LPXN: variants seen among roughly 807,000 people sequenced by gnomAD.
LPXN encodes the protein leupaxin.
A neutral mutation model predicts 45.6 loss-of-function variants in LPXN; 28 were observed. That is an observed-to-expected ratio of 0.61 (90% CI 0.45 to 0.84). The LOEUF (loss-of-function observed/expected upper bound fraction) is 0.84. LPXN is among the 40% of genes least tolerant of loss of function. The pLI is 0.00. For missense variants in LPXN, 459 were observed against 475.0 expected, an observed-to-expected ratio of 0.97 and a Z score of 0.31; for synonymous variants, 166 against 169.9, an observed-to-expected ratio of 0.98 and a Z score of 0.18.
chr11:58,528,225 G>C (rs1047954658), intron 7 of LPXN, 34 bp from the exon 8 acceptor site: 3 of 1,604,292 alleles, frequency 1.9e-6, no homozygotes, highest in Non-Finnish European at 2.6e-6. Flanking sequence ...CACTGTTGCA[G>C]GTTGAGCCCT....
intron 7 of LPXN, among the ~76,000 whole-genome samples, chr11:58,549,340 G>A (rs1470407129): frequency 6.6e-6 from 1 of 152,118 alleles, no homozygotes; most frequent in Non-Finnish European, 1.5e-5. Context: ...GTTGCAGTGG[G>A]CGGAGATCGC....
chr11:58,571,943 T>C (rs116991317), intron 1 of LPXN, among the ~76,000 whole-genome samples: 1,902 of 152,342 alleles, frequency 0.012, 17 homozygotes, highest in Middle Eastern at 0.024. Flanking sequence ...AGTTAGAAGT[T>C]CCAGTCTCCT....
intron 7 of LPXN, among the ~76,000 whole-genome samples, chr11:58,532,759 G>A (rs929762557): frequency 2.6e-5 from 4 of 152,208 alleles, no homozygotes; most frequent in African/African-American, 7.2e-5. Context: ...TGTGGGTGGG[G>A]CCAGATAAGG....
intron 4 of LPXN, among the ~76,000 whole-genome samples, chr11:58,553,163 T>C (rs1267992696): frequency 1.3e-5 from 2 of 151,746 alleles, no homozygotes; most frequent in Admixed American, 1.3e-4. Context: ...TAGCAAAACC[T>C]CGTCTCTACT....
At chr11:58,530,496 T>C (rs1329802989) in intron 7 of LPXN, among the ~76,000 whole-genome samples, 1 of 152,208 alleles carries the variant, frequency 6.6e-6, no homozygotes, top group Non-Finnish European at 1.5e-5. Flanking sequence ...ACTGCCTCTC[T>C]AGATTCCTCT....
At chr11:58,560,843 A>G (rs1352595075) in intron 3 of LPXN, among the ~76,000 whole-genome samples, 1 of 152,220 alleles carries the variant, frequency 6.6e-6, no homozygotes, top group Admixed American at 6.5e-5. Flanking sequence ...TAAAGGCTAT[A>G]TATTTTCAAA....
chr11:58,534,531 G>A (rs1004984969), intron 7 of LPXN, among the ~76,000 whole-genome samples: 2 of 152,216 alleles, frequency 1.3e-5, no homozygotes, highest in African/African-American at 2.4e-5. Context: ...GCAGTGTGTA[G>A]AGGGAAATTT....
At chr11:58,528,467 G>C (rs1853294485) in intron 7 of LPXN, among the ~76,000 whole-genome samples, 2 of 152,180 alleles carry the variant, frequency 1.3e-5, no homozygotes, top group African/African-American at 4.8e-5. Flanking sequence ...GGATAGTTCT[G>C]TCCCAGAGCC....
intron 7 of LPXN, among the ~76,000 whole-genome samples, chr11:58,541,669 A>G (rs1385377412): frequency 1.3e-5 from 2 of 150,368 alleles, no homozygotes; most frequent in Non-Finnish European, 3.0e-5. Flanking sequence ...ATACCATTTG[A>G]CCCAGCCATC....
rs542860033 is a variant in LPXN at position 58,561,784 on chromosome 11, T to C, written c.218+2371A>G. On this transcript the variant is annotated intron_variant, in intron 3 of 8. Transcript: ENST00000395074. The stretch of plus-strand genomic sequence containing the variant: ...GTTTTTAACTAGAGTCCTAGTGCAG[T>C]GTAGAAAGGGAAATAGATCATTGTT... 3.9e-5 allele frequency among the ~76,000 whole-genome samples: 6 copies of C among 152,352 alleles called. No homozygotes were observed. In the East Asian group the frequency reaches 1.2e-3, roughly 29 times the overall value.
intron 1 of LPXN, among the ~76,000 whole-genome samples, chr11:58,574,877 T>C (rs11229532): frequency 0.11 from 16,379 of 152,196 alleles, 1,128 homozygotes; most frequent in Admixed American, 0.16. Flanking sequence ...GTGCAAGATA[T>C]TTTTTGTTGT....
rs76285432 is a variant in LPXN at position 58,528,197 on chromosome 11, G to A, written c.743-6C>T. The A allele has an allele frequency of 7.4e-3, 11,950 of 1,612,922 alleles. 58 individuals are homozygous for A. Among genetic ancestry groups the A allele is most frequent in the Non-Finnish European group, 8.5e-3 (9,991 of 1,179,084 alleles). The stretch of plus-strand genomic sequence containing the variant: ...CTTGTCCTTCTCATGAAAGCCTGGA[G>A]AGATAAAATCAGGAATTCACTGTTG... On this transcript the variant is annotated splice_region_variant and splice_polypyrimidine_tract_variant and intron_variant, in intron 7 of 8. Transcript: ENST00000395074.
intron 7 of LPXN, among the ~76,000 whole-genome samples, chr11:58,530,451 A>G (rs1374167011): frequency 6.6e-6 from 1 of 152,200 alleles, no homozygotes; most frequent in African/African-American, 2.4e-5. Flanking sequence ...AACTGGGTGG[A>G]GCCAACCGCA....
At chr11:58,535,073 C>A (rs973424955) in intron 7 of LPXN, among the ~76,000 whole-genome samples, 4 of 152,254 alleles carry the variant, frequency 2.6e-5, no homozygotes, top group East Asian at 1.9e-4. Flanking sequence ...GGATTCACAG[C>A]AGAATTCTAC....
At chr11:58,569,637 G>T (rs938930183) in intron 2 of LPXN, among the ~76,000 whole-genome samples, 8 of 151,924 alleles carry the variant, frequency 5.3e-5, no homozygotes, top group African/African-American at 1.9e-4. Context: ...TGATCCCCCC[G>T]CCTCAGCCTT....
At chr11:58,552,776 AGT>A (rs1345809725) in intron 4 of LPXN, among the ~76,000 whole-genome samples, 1 of 152,224 alleles carries the variant, frequency 6.6e-6, no homozygotes, top group Admixed American at 6.5e-5. Flanking sequence ...TCAGAAGGTT[AGT>A]GTCTGAAAGG....
At chr11:58,556,997 G>C (rs969369446) in intron 3 of LPXN, among the ~76,000 whole-genome samples, 1 of 152,120 alleles carries the variant, frequency 6.6e-6, no homozygotes, top group Admixed American at 6.5e-5. Flanking sequence ...ACTATTATGA[G>C]ATACCACTCA....
chr11:58,578,002 G>A, upstream of LPXN: 1 of 1,550,692 alleles, frequency 6.4e-7, no homozygotes, highest in Non-Finnish European at 8.7e-7. Context: ...GAGCTCACAG[G>A]TGAGTGACTC....
chr11:58,538,294 G>T (rs1194581045), intron 7 of LPXN, among the ~76,000 whole-genome samples: 2 of 152,118 alleles, frequency 1.3e-5, no homozygotes, highest in Non-Finnish European at 2.9e-5. Context: ...ACCCAGTAAT[G>T]GGGTGGCTGG....
Sources: allele counts gnomAD v4.1 joint callset (sites outside exome capture counted in the v4.1 genomes callset), GRCh38; gene constraint gnomAD v4.1.1; transcripts MANE v1.5; gene names NCBI Gene and HGNC (gene_info 2026-07-23, HGNC 2026-07-21).